The following EXOC6B variants were observed in gnomAD, a reference collection of about 807,000 sequenced individuals.
The protein encoded by EXOC6B is exocyst complex component 6B.
EXOC6B carries 54 observed loss-of-function variants against 113.5 expected under a neutral mutation model. That is an observed-to-expected ratio of 0.48 (90% confidence interval 0.38 to 0.60). EXOC6B has a LOEUF of 0.60. EXOC6B is among the 20% of genes least tolerant of loss of function. The pLI is 0.00. For missense variants in EXOC6B, 797 were observed against 977.5 expected (o/e 0.82, Z 2.46); for synonymous variants, 357 against 339.0 (o/e 1.05, Z -0.58).
chr2:72,343,376 A>G (rs1345464677), intron 19 of EXOC6B, among the ~76,000 whole-genome samples: 1 of 152,162 alleles, frequency 6.6e-6, no homozygotes, highest in Non-Finnish European at 1.5e-5. Context: ...GCAGTGAGCC[A>G]AGATCGTGCC....
intron 11 of EXOC6B, among the ~76,000 whole-genome samples, chr2:72,502,108 TA>T (rs1447588215): frequency 1.3e-5 from 2 of 152,212 alleles, no homozygotes; most frequent in South Asian, 4.1e-4. Context: ...TAGGAATTAA[TA>T]GCATTAATTA....
chr2:72,258,362 T>C (rs1299043024), intron 20 of EXOC6B, among the ~76,000 whole-genome samples: 1 of 128,258 alleles, frequency 7.8e-6, no homozygotes, highest in Non-Finnish European at 1.6e-5. Context: ...TATCTTTTTC[T>C]TTTTTTTTTT....
chr2:72,339,084 C>G (rs1280754796), intron 19 of EXOC6B, among the ~76,000 whole-genome samples: 3 of 151,920 alleles, frequency 2.0e-5, no homozygotes, highest in African/African-American at 7.3e-5. Context: ...GGTCTGTAAA[C>G]CCAAATTCTC....
intron 19 of EXOC6B, among the ~76,000 whole-genome samples, chr2:72,337,690 C>T (rs1309494225): frequency 1.3e-5 from 2 of 152,016 alleles, no homozygotes; most frequent in African/African-American, 4.8e-5. Flanking sequence ...CAAAGAATGA[C>T]AGTTGCATCA....
chr2:72,325,518 G>T (rs1197463059), intron 20 of EXOC6B, among the ~76,000 whole-genome samples: 3 of 151,812 alleles, frequency 2.0e-5, no homozygotes, highest in Non-Finnish European at 1.5e-5. Context: ...CTACCCAAAA[G>T]GTTGTCAGAA....
At chr2:72,560,992 T>C (rs1346066740) in intron 7 of EXOC6B, among the ~76,000 whole-genome samples, 4 of 152,054 alleles carry the variant, frequency 2.6e-5, no homozygotes, top group Non-Finnish European at 5.9e-5. Flanking sequence ...ATTTTCATCT[T>C]AATAACACAA....
intron 20 of EXOC6B, among the ~76,000 whole-genome samples, chr2:72,215,939 A>T (rs1264463795): frequency 6.6e-6 from 1 of 152,192 alleles, no homozygotes; most frequent in Non-Finnish European, 1.5e-5. Context: ...TATTGCCTTC[A>T]GGGCACAAGG....
chr2:72,259,272 A>G (rs908580660), intron 20 of EXOC6B, among the ~76,000 whole-genome samples: 3 of 152,246 alleles, frequency 2.0e-5, no homozygotes, highest in African/African-American at 7.2e-5. Flanking sequence ...AATTTCACAT[A>G]AACAAGATCA....
intron 20 of EXOC6B, among the ~76,000 whole-genome samples, chr2:72,273,518 G>A (rs1329812676): frequency 6.6e-6 from 1 of 152,130 alleles, no homozygotes. Flanking sequence ...TAGAGGGTGG[G>A]CCAGTCCCTC....
rs1365650893 is a variant in EXOC6B, at chr2:72,178,877, C to G, written c.*458G>C. 6.4e-6 allele frequency: 1 copy of G among 155,726 alleles called. No individual in the cohort carries two copies. The highest frequency in any genetic ancestry group is 1.4e-5 in the Non-Finnish European group (1 of 70,312). The allele number at this position is 155,726 out of a possible 1,614,324, so 9.6% of individuals were successfully genotyped here. A position where few individuals can be genotyped will look rare whatever the true frequency, so the allele number is the denominator to read the frequency against. On this transcript the variant is annotated 3_prime_UTR_variant, in exon 22 of 22. Transcript: ENST00000272427. ...TACTAAATAGTAATGTTTGCCATGC[C>G]CTTTCCTTGTATTGAGAAGAATCAG...
chr2:72,496,491 A>G lies in EXOC6B; in HGVS notation c.1406T>C (p.Val469Ala), dbSNP rs368707427. 8 of 1,601,162 alleles carry G rather than the reference A, an allele frequency of 5.0e-6. No homozygotes were observed. The African/African-American group carries it at 8.0e-5, about 16-fold the overall frequency. Residue 469 changes from valine (V) to alanine (A), a missense_variant, in exon 14 of 22, where the codon GTA (valine) becomes GCA (alanine). Coordinates refer to ENST00000272427, the MANE Select transcript of EXOC6B (RefSeq NM_015189.3). ...TATATCTTGAAATGGGAATTGTCCTACCACCTTTTTGTACATCTCTTCACT... is the reference window on the plus strand; with the variant it reads ...TATATCTTGAAATGGGAATTGTCCTGCCACCTTTTTGTACATCTCTTCACT... ...VTSEEMYKKV[V>A]GQFPFQDIEL...
intron 6 of EXOC6B, among the ~76,000 whole-genome samples, chr2:72,667,003 C>T (rs1675445993): frequency 6.6e-6 from 1 of 152,092 alleles, no homozygotes; most frequent in Non-Finnish European, 1.5e-5. Context: ...GCTGGGACCA[C>T]AGGTGCATGC....
intron 18 of EXOC6B, among the ~76,000 whole-genome samples, chr2:72,409,582 C>G (rs1694026587): frequency 6.6e-6 from 1 of 152,032 alleles, no homozygotes; most frequent in Non-Finnish European, 1.5e-5. Flanking sequence ...ATGGATGAAG[C>G]TGGAAACCAT....
intron 1 of EXOC6B, among the ~76,000 whole-genome samples, chr2:72,816,884 T>G (rs1011493996): frequency 2.0e-5 from 3 of 152,234 alleles, no homozygotes; most frequent in African/African-American, 7.2e-5. Context: ...GTTGTCTATT[T>G]AACTCAAACA....
chr2:72,412,911 C>A (rs1202941759), intron 18 of EXOC6B, among the ~76,000 whole-genome samples: 1 of 151,018 alleles, frequency 6.6e-6, no homozygotes, highest in Non-Finnish European at 1.5e-5. Flanking sequence ...CCTTCCTTTC[C>A]TTCCTTTCCT....
At chr2:72,425,636 T>C (rs1695161875) in intron 18 of EXOC6B, among the ~76,000 whole-genome samples, 1 of 152,176 alleles carries the variant, frequency 6.6e-6, no homozygotes, top group Non-Finnish European at 1.5e-5. Context: ...CATCAAATTA[T>C]TATTTACCTT....
At chr2:72,526,656 C>T (rs1701758852) in intron 8 of EXOC6B, among the ~76,000 whole-genome samples, 1 of 151,560 alleles carries the variant, frequency 6.6e-6, no homozygotes, top group Non-Finnish European at 1.5e-5. Context: ...AATTTAGAAT[C>T]TAAGAATAAA....
intron 1 of EXOC6B, among the ~76,000 whole-genome samples, chr2:72,750,637 G>C (rs1681980832): frequency 1.3e-5 from 2 of 152,102 alleles, no homozygotes; most frequent in African/African-American, 4.8e-5. Context: ...CTGGGTGAGG[G>C]AAGGAGAAAA....
intron 18 of EXOC6B, among the ~76,000 whole-genome samples, chr2:72,418,208 C>G (rs2105249732): frequency 6.6e-6 from 1 of 152,258 alleles, no homozygotes; most frequent in African/African-American, 2.4e-5. Flanking sequence ...TTAGTGTCTA[C>G]AGTTAATCAA....
Sources: gnomAD v4.1 joint callset for allele counts (sites outside exome capture counted in the v4.1 genomes callset) on GRCh38, gnomAD v4.1.1 for gene constraint, MANE v1.5 for transcripts, NCBI Gene and HGNC (gene_info 2026-07-23, HGNC 2026-07-21) for gene names.